The following COL4A5 variants were observed in gnomAD, a reference collection of about 807,000 sequenced individuals.
COL4A5 encodes collagen type IV alpha 5 chain.
COL4A5 carries 26 observed loss-of-function variants against 130.2 expected under a neutral mutation model. The observed-to-expected ratio is 0.20, with a 90% CI of 0.15 to 0.28. The LOEUF (loss-of-function observed/expected upper bound fraction) is 0.28, where lower values mean the gene tolerates loss of function less well. Among genes scored for constraint, COL4A5 ranks in the 10% least tolerant of loss-of-function variants. COL4A5 has a pLI of 1.00. For synonymous variants in COL4A5, 496 were observed against 439.6 expected (o/e 1.13, Z -1.60); for missense variants, 1,131 against 1,344.3 (o/e 0.84, Z 2.48).
intron 1 of COL4A5, among the ~76,000 whole-genome samples, chrX:108,446,226 A>G (rs932580354): frequency 1.8e-5 from 2 of 112,207 alleles, no homozygotes; most frequent in Non-Finnish European, 3.8e-5. Context: ...TTACTGTTTG[A>G]TCACTTATCA....
At chrX:108,539,148 G>C (rs1281651483) in intron 1 of COL4A5, among the ~76,000 whole-genome samples, 1 of 110,617 alleles carries the variant, frequency 9.0e-6, no homozygotes, top group Admixed American at 9.6e-5. Flanking sequence ...TGCTAATACA[G>C]AGTGAGAGGT....
At chrX:108,538,528 A>G (rs1490045945) in intron 1 of COL4A5, among the ~76,000 whole-genome samples, 1 of 111,542 alleles carries the variant, frequency 9.0e-6, no homozygotes, top group African/African-American at 3.3e-5. Context: ...AGTTCTGACC[A>G]GAAGGATAAG....
intron 17 of COL4A5, among the ~76,000 whole-genome samples, chrX:108,583,621 A>G (rs2066286014): frequency 9.0e-6 from 1 of 111,677 alleles, no homozygotes; most frequent in Admixed American, 9.5e-5. Flanking sequence ...GAAGGCACAT[A>G]TTTTAATGGT....
intron 13 of COL4A5, among the ~76,000 whole-genome samples, chrX:108,578,696 T>G (rs74958868): frequency 1.9e-5 from 2 of 107,985 alleles, no homozygotes; most frequent in African/African-American, 6.8e-5. Flanking sequence ...TTTTTTTTTT[T>G]GAGACTAAGT....
At chrX:108,565,489 G>T (rs912933018) in intron 4 of COL4A5, among the ~76,000 whole-genome samples, 4 of 111,603 alleles carry the variant, frequency 3.6e-5, no homozygotes, top group African/African-American at 1.3e-4. Flanking sequence ...TAACAACCAC[G>T]TAACAACTAA....
chrX:108,499,656 T>C (rs1387777100), intron 1 of COL4A5, among the ~76,000 whole-genome samples: 1 of 111,710 alleles, frequency 9.0e-6, no homozygotes, highest in Non-Finnish European at 1.9e-5. Context: ...CGTTTTATCA[T>C]GGGCACTTTT....
Position 108,530,118 on chromosome X carries a change from A to G in COL4A5, c.82-9628A>G, listed in dbSNP as rs757996877. On this transcript the variant is annotated intron_variant, in intron 1 of 52. Transcript: ENST00000328300. The stretch of plus-strand genomic sequence containing the variant: ...CAGGTTATACATCCTGCAGTTATAC[A>G]TGGACCATTCTCCAGGATAGATCAT... Among the ~76,000 whole-genome samples, 187 of 111,558 alleles carry G rather than the reference A, an allele frequency of 1.7e-3. 1 individual carries two copies. Among genetic ancestry groups the G allele is most frequent in the Non-Finnish European group, 3.6e-4 (19 of 53,055 alleles).
Position 108,462,025 on chromosome X carries a change from C to G in COL4A5, c.81+21819C>G, listed in dbSNP as rs192520638. Among the ~76,000 whole-genome samples the G allele has an allele frequency of 1.9e-4, 21 of 112,276 alleles. No individual in the cohort carries two copies. The Admixed American group carries it at 1.9e-3, about 10-fold the overall frequency. On this transcript the variant is annotated intron_variant, in intron 1 of 52. Coordinates refer to ENST00000328300, the MANE Select transcript of COL4A5 (RefSeq NM_033380.3). ...TATACTCATAGCAAAATTAATTATG[C>G]TCTTTTTGGGTAGAATATTCTGGAG...
chrX:108,542,001 G>A (rs767534684), intron 2 of COL4A5, among the ~76,000 whole-genome samples: 4 of 111,796 alleles, frequency 3.6e-5, no homozygotes, highest in African/African-American at 6.5e-5. Context: ...ACAGATGTTG[G>A]AATTTGTAGA....
At position 108,595,589 on chromosome X, in the gene COL4A5, C is replaced by T. The variant is rs907774916; in HGVS notation, c.1504C>T (p.Pro502Ser). The T allele has an allele frequency of 2.5e-6, 3 of 1,207,662 alleles. No homozygotes were observed. The highest frequency in any genetic ancestry group is 4.4e-5 in the Admixed American group (2 of 45,832). The part of the protein sequence containing the change: ...PPGQPGLPGL[P>S]GPPGSLGFPG... ...AGGTCAACCTGGTTTGCCAGGTCTC[C>T]CAGGTCCTCCAGGTAAATTATGCCT... Residue 502 changes from proline (P) to serine (S), a missense_variant, in exon 22 of 53, where the codon CCA becomes TCA. Coordinates refer to ENST00000328300, the MANE Select transcript of COL4A5 (RefSeq NM_033380.3).
At chrX:108,586,955 A>G (rs1441026344) in intron 19 of COL4A5, among the ~76,000 whole-genome samples, 1 of 108,725 alleles carries the variant, frequency 9.2e-6, no homozygotes, top group Non-Finnish European at 1.9e-5. Context: ...GTGTCCTTTA[A>G]TCCTAAGATT....
intron 10 of COL4A5, 26 bp downstream of exon 10, chrX:108,575,998 T>TC (rs745409813): frequency 1.4e-5 from 14 of 971,390 alleles, no homozygotes; most frequent in East Asian, 6.4e-5. Flanking sequence ...TAATTTAATT[T>TC]CCCCCCCTTT....
intron 1 of COL4A5, among the ~76,000 whole-genome samples, chrX:108,483,618 C>G (rs1212620944): frequency 8.9e-6 from 1 of 111,856 alleles, no homozygotes; most frequent in Non-Finnish European, 1.9e-5. Flanking sequence ...TCAGTATTAA[C>G]CATCAAAGAT....
intron 1 of COL4A5, among the ~76,000 whole-genome samples, chrX:108,459,175 A>G (rs2064617717): frequency 9.0e-6 from 1 of 111,071 alleles, no homozygotes; most frequent in Non-Finnish European, 1.9e-5. Flanking sequence ...ATTGACCTGT[A>G]CACTGTGGTC....
intron 2 of COL4A5, among the ~76,000 whole-genome samples, chrX:108,542,292 G>A (rs1235395806): frequency 4.0e-5 from 4 of 98,979 alleles, no homozygotes; most frequent in African/African-American, 1.5e-4. Flanking sequence ...GGTGTGTGAT[G>A]TCCCCCTTCC....
At chrX:108,570,008 G>A (rs2066037744) in intron 6 of COL4A5, among the ~76,000 whole-genome samples, 1 of 111,373 alleles carries the variant, frequency 9.0e-6, no homozygotes, top group South Asian at 3.8e-4. Context: ...GCATATGTCA[G>A]ATTTTATATA....
intron 1 of COL4A5, among the ~76,000 whole-genome samples, chrX:108,519,041 A>T (rs2065244782): frequency 9.0e-6 from 1 of 111,629 alleles, no homozygotes; most frequent in African/African-American, 3.2e-5. Context: ...AAAATGATGG[A>T]AATAGATTAA....
intron 18 of COL4A5, among the ~76,000 whole-genome samples, chrX:108,585,265 C>T (rs971540702): frequency 1.2e-4 from 13 of 112,104 alleles, no homozygotes; most frequent in Non-Finnish European, 2.4e-4. Flanking sequence ...TGTGTCCAGA[C>T]ATGTTAGTAA....
At chrX:108,588,111 A>G (rs2066366957) in intron 19 of COL4A5, among the ~76,000 whole-genome samples, 1 of 111,304 alleles carries the variant, frequency 9.0e-6, no homozygotes, top group Non-Finnish European at 1.9e-5. Flanking sequence ...ATTTGGCCAC[A>G]AATTGAGTAC....
Sources: gnomAD v4.1 joint callset for allele counts (sites outside exome capture counted in the v4.1 genomes callset) on GRCh38, gnomAD v4.1.1 for gene constraint, MANE v1.5 for transcripts, NCBI Gene and HGNC (gene_info 2026-07-23, HGNC 2026-07-21) for gene names.